SHISA9: variants seen among roughly 807,000 people sequenced by gnomAD.
SHISA9 encodes the protein protein shisa-9.
SHISA9 carries 13 observed loss-of-function variants against 38.0 expected under a neutral mutation model. The ratio of observed to expected loss-of-function variants is 0.34; its 90% CI spans 0.22 to 0.54. The LOEUF (loss-of-function observed/expected upper bound fraction) is 0.54, where lower values mean the gene tolerates loss of function less well. Among genes scored for constraint, SHISA9 ranks in the 20% least tolerant of loss-of-function variants. SHISA9 has a pLI of 0.91. For synonymous variants in SHISA9, 275 were observed against 242.0 expected (o/e 1.14, Z -1.27); for missense variants, 538 against 575.8 (o/e 0.93, Z 0.67).
chr16:13,500,772 C>T, the SHISA9 span, among the ~76,000 whole-genome samples: 1 of 152,106 alleles, frequency 6.6e-6, no homozygotes, highest in Non-Finnish European at 1.5e-5. Flanking sequence ...ATCATAGAAA[C>T]TGACTCTAAC....
chr16:12,962,082 T>C (rs1223970049), intron 2 of SHISA9, among the ~76,000 whole-genome samples: 1 of 152,248 alleles, frequency 6.6e-6, no homozygotes, highest in Admixed American at 6.5e-5. Context: ...GCTTGGCCCG[T>C]CTTGCCTGCA....
rs535661408 is a variant in SHISA9, at chr16:13,167,368, G to A, written c.692-36026G>A. On this transcript the variant is annotated intron_variant, in intron 2 of 4. Coordinates refer to ENST00000558583, the MANE Select transcript of SHISA9 (RefSeq NM_001145204.3). Reference sequence around the variant, plus strand: ...ATCACAGGCGTGAGCCAGTGCACCCGGCCACTTTACTCCTCTTCTCAGCCA... The same window carrying A: ...ATCACAGGCGTGAGCCAGTGCACCCAGCCACTTTACTCCTCTTCTCAGCCA... 1.1e-4 allele frequency among the ~76,000 whole-genome samples: 17 copies of A among 152,116 alleles called. No individual in the cohort carries two copies. The South Asian group carries it at 2.9e-3, about 26-fold the overall frequency.
intron 2 of SHISA9, among the ~76,000 whole-genome samples, chr16:13,081,501 G>C (rs942081231): frequency 6.6e-6 from 1 of 152,110 alleles, no homozygotes; most frequent in Admixed American, 6.5e-5. Context: ...CTTGCTGGCT[G>C]CAAGGGAAGT....
At chr16:13,517,257 T>C in the SHISA9 span, among the ~76,000 whole-genome samples, 303 of 152,184 alleles carry the variant, frequency 2.0e-3, 2 homozygotes, top group African/African-American at 7.0e-3. Flanking sequence ...AAGCACGAAA[T>C]TGACTCTCCT....
the SHISA9 span, among the ~76,000 whole-genome samples, chr16:13,441,325 A>G: frequency 1.3e-5 from 2 of 152,202 alleles, no homozygotes; most frequent in African/African-American, 4.8e-5. Context: ...CCAAATCCCA[A>G]GAATGGAAAT....
chr16:13,547,314 A>G, the SHISA9 span, among the ~76,000 whole-genome samples: 15 of 152,330 alleles, frequency 9.8e-5, no homozygotes, highest in African/African-American at 3.6e-4. Context: ...GAGAAAGGCT[A>G]TATATTAGGG....
intron 2 of SHISA9, among the ~76,000 whole-genome samples, chr16:13,154,507 T>C (rs1178090822): frequency 1.3e-5 from 2 of 152,182 alleles, no homozygotes; most frequent in Non-Finnish European, 2.9e-5. Context: ...CAGATAGAAG[T>C]TGCTCTGTTA....
chr16:13,363,798 C>T, the SHISA9 span, among the ~76,000 whole-genome samples: 7 of 152,260 alleles, frequency 4.6e-5, no homozygotes, highest in East Asian at 1.9e-4. Flanking sequence ...GCATGATAGA[C>T]GTGCACATTT....
intron 2 of SHISA9, among the ~76,000 whole-genome samples, chr16:13,102,989 T>C (rs1389014733): frequency 6.6e-6 from 1 of 152,218 alleles, no homozygotes; most frequent in African/African-American, 2.4e-5. Context: ...TCTTATCCTT[T>C]CAAAAACTTT....
At chr16:13,428,639 G>T in the SHISA9 span, among the ~76,000 whole-genome samples, 3 of 152,170 alleles carry the variant, frequency 2.0e-5, no homozygotes, top group Non-Finnish European at 4.4e-5. Context: ...TGGATAAATA[G>T]TGCTCAGGGA....
the SHISA9 span, among the ~76,000 whole-genome samples, chr16:13,286,447 T>A: frequency 6.6e-6 from 1 of 152,338 alleles, no homozygotes; most frequent in African/African-American, 2.4e-5. Context: ...GTCATTAAAT[T>A]TATTCACACC....
the SHISA9 span, among the ~76,000 whole-genome samples, chr16:13,250,822 G>T: frequency 6.6e-6 from 1 of 152,098 alleles, no homozygotes; most frequent in Non-Finnish European, 1.5e-5. Context: ...TGCAGATGGT[G>T]AGGCAAACCC....
rs1862811 is a variant in SHISA9 at position 13,133,163 on chromosome 16, C to T, written c.692-70231C>T. 3.4e-3 allele frequency among the ~76,000 whole-genome samples: 511 copies of T among 152,314 alleles called. 2 individuals carry two copies. The highest frequency in any genetic ancestry group is 0.012 in the African/African-American group (491 of 41,580). On this transcript the variant is annotated intron_variant, in intron 2 of 4. Transcript: ENST00000558583. ...TGAGCAGTCCCCCAGACTGGGACTA[C>T]AGAGCTAGGTGGAATCTTAGATATG...
intron 2 of SHISA9, among the ~76,000 whole-genome samples, chr16:12,920,076 C>T (rs911358174): frequency 2.0e-5 from 3 of 151,844 alleles, no homozygotes; most frequent in Admixed American, 6.6e-5. Flanking sequence ...GGATGGAAGA[C>T]GTGAGTGAGG....
downstream of SHISA9, among the ~76,000 whole-genome samples, chr16:13,241,832 G>A (rs1304842391): frequency 6.6e-6 from 1 of 152,114 alleles, no homozygotes; most frequent in African/African-American, 2.4e-5. Context: ...GCACAGTTCT[G>A]GTTATCAGAG....
chr16:13,118,145 G>A (rs1286575656), intron 2 of SHISA9, among the ~76,000 whole-genome samples: 3 of 145,680 alleles, frequency 2.1e-5, no homozygotes, highest in African/African-American at 7.7e-5. Flanking sequence ...TCACGCAATT[G>A]TACTCCAGCC....
intron 2 of SHISA9, among the ~76,000 whole-genome samples, chr16:13,066,640 C>T (rs1317907748): frequency 6.6e-6 from 1 of 152,144 alleles, no homozygotes; most frequent in Non-Finnish European, 1.5e-5. Flanking sequence ...GAATATTAAC[C>T]ATGCCTGCCT....
chr16:13,418,148 G>A, the SHISA9 span, among the ~76,000 whole-genome samples: 1 of 152,152 alleles, frequency 6.6e-6, no homozygotes, highest in South Asian at 2.1e-4. Flanking sequence ...ACTTGTGTAG[G>A]CATCTCAGGT....
chr16:13,528,753 T>C, the SHISA9 span, among the ~76,000 whole-genome samples: 1 of 152,190 alleles, frequency 6.6e-6, no homozygotes, highest in Non-Finnish European at 1.5e-5. Context: ...TTAATTGAGT[T>C]GATAAAGGAA....
Sources: allele counts gnomAD v4.1 joint callset (sites outside exome capture counted in the v4.1 genomes callset), GRCh38; gene constraint gnomAD v4.1.1; transcripts MANE v1.5; gene names NCBI Gene and HGNC (gene_info 2026-07-23, HGNC 2026-07-21).